RECK: variants seen among roughly 807,000 people sequenced by gnomAD.
The protein encoded by RECK is reversion-inducing cysteine-rich protein with Kazal motifs.
Under a neutral mutation model 115.1 loss-of-function variants are expected in RECK, and 69 were observed. That is an observed-to-expected ratio of 0.60 (90% confidence interval 0.49 to 0.73). The LOEUF (loss-of-function observed/expected upper bound fraction) is 0.73. Among genes scored for constraint, RECK ranks in the 30% least tolerant of loss-of-function variants. The pLI is 0.00. For synonymous variants in RECK, 414 were observed against 419.7 expected (o/e 0.99, Z 0.17); for missense variants, 1,047 against 1,203.7 (o/e 0.87, Z 1.93).
chr9:36,090,405 C>T (rs940334950), intron 9 of RECK, among the ~76,000 whole-genome samples: 7 of 152,024 alleles, frequency 4.6e-5, no homozygotes, highest in Admixed American at 1.3e-4. Context: ...ATATCTTTGT[C>T]ATAGGGGTAA....
At chr9:36,097,399 A>C (rs2132646325) in intron 10 of RECK, among the ~76,000 whole-genome samples, 1 of 152,326 alleles carries the variant, frequency 6.6e-6, no homozygotes, top group South Asian at 2.1e-4. Context: ...AGGACATCAC[A>C]ATGGCCATTT....
chr9:36,091,341 C>T lies in RECK; in HGVS notation c.1083C>T (p.Asn361=), dbSNP rs1823148667. ...TTACTTACTGTACTAATTTTAACAA[C>T]AGGTAAGACAAATTATTATACATGG... is the stretch of plus-strand genomic sequence containing the variant. ...RNLTYCTNFN[N]RPTELFRSCN... is the part of the protein sequence containing the mutation. Residue 361 remains asparagine (N), a splice_region_variant and synonymous_variant, in exon 10 of 21, where the codon AAC becomes AAT. Coordinates refer to ENST00000377966, the MANE Select transcript of RECK (RefSeq NM_021111.3). 1 of 1,492,400 alleles carries T rather than the reference C, an allele frequency of 6.7e-7. No homozygotes were observed. The highest frequency in any genetic ancestry group is 1.4e-5 in the African/African-American group (1 of 69,602). The allele number at this position is 1,492,400 out of a possible 1,614,324, so 92.4% of individuals were successfully genotyped here.
chr9:36,066,012 G>T (rs1821981886), intron 6 of RECK, among the ~76,000 whole-genome samples: 1 of 152,062 alleles, frequency 6.6e-6, no homozygotes, highest in Non-Finnish European at 1.5e-5. Context: ...TAATCATAAA[G>T]AAAAGTAATA....
At chr9:36,098,585 G>A (rs1823450800) in intron 10 of RECK, among the ~76,000 whole-genome samples, 1 of 152,052 alleles carries the variant, frequency 6.6e-6, no homozygotes, top group South Asian at 2.1e-4. Context: ...TTAAATCTAT[G>A]ACCTAACAAT....
In RECK at chr9:36,116,991, A is replaced by G. The variant is rs1182205826; in HGVS notation, c.2067A>G (p.Ile689Met). Residue 689 changes from isoleucine (I) to methionine (M), a missense_variant, in exon 17 of 21, where the codon ATA (isoleucine) becomes ATG (methionine). By Grantham distance (10) the Ile-to-Met change is conservative. Coordinates refer to ENST00000377966, the MANE Select transcript of RECK (RefSeq NM_021111.3). ...CTGCATTCGTCTTTTTCAGGTGCAT[A>G]CCCAAACCACAGGTCTGCCTGACGA... ...PNPCQKNQRC[I>M]PKPQVCLTTF... 6.2e-7 allele frequency: 1 copy of G among 1,609,456 alleles called. No homozygotes were observed. The highest frequency in any genetic ancestry group is 8.5e-7 in the Non-Finnish European group (1 of 1,176,806).
intron 6 of RECK, 138 bp downstream of exon 6, chr9:36,065,762 T>C (rs1377092309): frequency 1.1e-5 from 6 of 561,226 alleles, no homozygotes; most frequent in Middle Eastern, 5.2e-4. Flanking sequence ...TTGACAAAAA[T>C]GTCATTTACT....
chr9:36,121,463 A>G, intron 19 of RECK, 70 bp from the exon 20 acceptor site: 2 of 1,477,354 alleles, frequency 1.4e-6, no homozygotes, highest in Non-Finnish European at 1.8e-6. Flanking sequence ...CTGGCAGCCC[A>G]AAGCAAGGGA....
At chr9:36,086,390 C>G (rs1474473634) in intron 8 of RECK, among the ~76,000 whole-genome samples, 1 of 151,912 alleles carries the variant, frequency 6.6e-6, no homozygotes, top group Non-Finnish European at 1.5e-5. Flanking sequence ...AAGGTGGCAT[C>G]CAGAGTTGTT....
intron 18 of RECK, among the ~76,000 whole-genome samples, chr9:36,119,646 G>A (rs1044278003): frequency 6.6e-6 from 1 of 152,200 alleles, no homozygotes; most frequent in African/African-American, 2.4e-5. Context: ...CTATGTGCCA[G>A]ACGCTCCTCT....
intron 7 of RECK, among the ~76,000 whole-genome samples, chr9:36,081,224 G>A (rs1196923705): frequency 1.3e-5 from 2 of 152,182 alleles, no homozygotes; most frequent in Non-Finnish European, 2.9e-5. Context: ...AGACAGACAT[G>A]GGAAAACACA....
chr9:36,109,607 G>C (rs1218747240), intron 14 of RECK, among the ~76,000 whole-genome samples: 1 of 152,160 alleles, frequency 6.6e-6, no homozygotes, highest in East Asian at 1.9e-4. Flanking sequence ...ACTTTGGTAG[G>C]CCGAGGCAGG....
At chr9:36,063,675 C>A in intron 4 of RECK, 120 bp from the exon 5 acceptor site, 1 of 807,464 alleles carries the variant, frequency 1.2e-6, no homozygotes, top group Non-Finnish European at 2.0e-6. Flanking sequence ...GCCCTGCTGT[C>A]TGAACCAGTT....
At chr9:36,040,962 T>C (rs573409228) in intron 1 of RECK, among the ~76,000 whole-genome samples, 1 of 152,292 alleles carries the variant, frequency 6.6e-6, no homozygotes. Flanking sequence ...GGATGAATAT[T>C]AGTAATAATT....
chr9:36,102,314 G>A (rs747803856), intron 12 of RECK, 84 bp downstream of exon 12: 55 of 1,208,230 alleles, frequency 4.6e-5, no homozygotes, highest in Non-Finnish European at 6.2e-5. Context: ...TTTTGGATGA[G>A]CATTTATCTG....
intron 1 of RECK, among the ~76,000 whole-genome samples, chr9:36,048,275 C>CT (rs1821153028): frequency 6.6e-6 from 1 of 151,632 alleles, no homozygotes; most frequent in Non-Finnish European, 1.5e-5. Context: ...AATGCCAACT[C>CT]TATCCTCTTT....
intron 8 of RECK, 68 bp downstream of exon 8, chr9:36,083,630 C>G (rs925389028): frequency 1.3e-6 from 2 of 1,489,380 alleles, no homozygotes; most frequent in East Asian, 4.7e-5. Context: ...AGAAGTGATA[C>G]GTTCTTGTAG....
chr9:36,042,965 T>G (rs1053675947), intron 1 of RECK, among the ~76,000 whole-genome samples: 1 of 151,450 alleles, frequency 6.6e-6, no homozygotes, highest in African/African-American at 2.4e-5. Context: ...TGTTGGCCAT[T>G]TGTATATCTT....
intron 6 of RECK, among the ~76,000 whole-genome samples, chr9:36,068,150 T>G: frequency 6.6e-6 from 1 of 152,156 alleles, no homozygotes; most frequent in Non-Finnish European, 1.5e-5. Flanking sequence ...TTTTAGAAAC[T>G]TAAATTCATA....
At chr9:36,070,381 A>G (rs998866632) in intron 6 of RECK, among the ~76,000 whole-genome samples, 1 of 152,166 alleles carries the variant, frequency 6.6e-6, no homozygotes. Context: ...GTCAACCTTG[A>G]AGTAACCCTT....
Sources: allele counts gnomAD v4.1 joint callset (sites outside exome capture counted in the v4.1 genomes callset), GRCh38; gene constraint gnomAD v4.1.1; transcripts MANE v1.5; gene names NCBI Gene and HGNC (gene_info 2026-07-23, HGNC 2026-07-21).